The following CIMIP2A variants were observed in gnomAD, a reference collection of about 807,000 sequenced individuals.
CIMIP2A encodes family with sequence similarity 166 member A.
chr9:137,252,145 C>G, the CIMIP2A span: 4 of 1,601,622 alleles, frequency 2.5e-6, no homozygotes, highest in Admixed American at 6.7e-5. Context: ...GGTGTGTGTC[C>G]CCTCCCTGAG....
chr9:137,251,888 G>C, the CIMIP2A span: 1 of 1,607,526 alleles, frequency 6.2e-7, no homozygotes, highest in Non-Finnish European at 8.5e-7. Flanking sequence ...AGACCCTGAG[G>C]GAACTATGTG....
At chr9:137,245,125 C>A in the CIMIP2A span, 12 of 1,601,100 alleles carry the variant, frequency 7.5e-6, no homozygotes, top group Non-Finnish European at 7.6e-6. Flanking sequence ...TTAGGGTGGT[C>A]CAGCTGCGGC....
the CIMIP2A span, chr9:137,252,099 C>T: frequency 2.5e-6 from 4 of 1,612,386 alleles, no homozygotes; most frequent in South Asian, 3.3e-5. Flanking sequence ...CTCCCCACAC[C>T]CCCACTACAG....
chr9:137,251,803 C>T, the CIMIP2A span: 27 of 1,598,974 alleles, frequency 1.7e-5, no homozygotes, highest in Non-Finnish European at 2.3e-5. Context: ...ACACAGCCCC[C>T]AAAGATGAAG....
At chr9:137,243,621 T>G in the CIMIP2A span, 2 of 1,612,824 alleles carry the variant, frequency 1.2e-6, no homozygotes, top group South Asian at 2.2e-5. Context: ...CAGCCTGTCC[T>G]GTGGCCTGTC....
At chr9:137,252,592 C>A in the CIMIP2A span, 2 of 1,511,356 alleles carry the variant, frequency 1.3e-6, no homozygotes, top group Non-Finnish European at 1.8e-6. Flanking sequence ...TCCAGTGGGG[C>A]CAAAGGGGGG....
At chr9:137,245,866 G>C in the CIMIP2A span, 3 of 1,497,360 alleles carry the variant, frequency 2.0e-6, no homozygotes, top group Non-Finnish European at 8.9e-7. Context: ...GTGGAGGGAA[G>C]AGAAGAAGGC....
At chr9:137,251,711 G>A in the CIMIP2A span, 2 of 1,552,424 alleles carry the variant, frequency 1.3e-6, no homozygotes, top group Non-Finnish European at 1.7e-6. Flanking sequence ...CGGGGGCTGA[G>A]ACAGTGGCTG....
At chr9:137,244,178 G>T in the CIMIP2A span, 3 of 1,613,830 alleles carry the variant, frequency 1.9e-6, no homozygotes, top group East Asian at 2.2e-5. Context: ...CACCGGGGAT[G>T]AACCCCATGT....
the CIMIP2A span, among the ~76,000 whole-genome samples, chr9:137,247,955 T>C: frequency 6.6e-6 from 1 of 152,096 alleles, no homozygotes; most frequent in Non-Finnish European, 1.5e-5. Flanking sequence ...GGAAGTCCCA[T>C]TAACTTCAGA....
chr9:137,246,799 G>C, the CIMIP2A span, among the ~76,000 whole-genome samples: 1 of 152,114 alleles, frequency 6.6e-6, no homozygotes, highest in East Asian at 1.9e-4. Flanking sequence ...TCCAGCCTCA[G>C]CTTCACCTGC....
the CIMIP2A span, chr9:137,253,172 C>A: frequency 1.7e-5 from 28 of 1,603,526 alleles, no homozygotes; most frequent in Non-Finnish European, 2.3e-5. Flanking sequence ...CGCTTCCCTT[C>A]GGCGCCTGGC....
the CIMIP2A span, chr9:137,245,831 G>A: frequency 6.6e-7 from 1 of 1,508,466 alleles, no homozygotes; most frequent in Non-Finnish European, 8.9e-7. Flanking sequence ...TGGTAGCGCA[G>A]CTGCGGAAAG....
the CIMIP2A span, chr9:137,251,646 G>A: frequency 5.9e-4 from 850 of 1,451,956 alleles, 7 homozygotes; most frequent in African/African-American, 0.01. Context: ...GGGAGCAGCC[G>A]GGGGCTGAGG....
the CIMIP2A span, among the ~76,000 whole-genome samples, chr9:137,248,008 T>C: frequency 6.6e-6 from 1 of 152,168 alleles, no homozygotes; most frequent in Non-Finnish European, 1.5e-5. Flanking sequence ...GCCTGGGCTC[T>C]TGCTGCCCCC....
chr9:137,245,398 T>C, the CIMIP2A span: 1 of 1,613,666 alleles, frequency 6.2e-7, no homozygotes, highest in East Asian at 2.2e-5. Flanking sequence ...GGAGTCTCCC[T>C]TCCTGCCTGG....
the CIMIP2A span, chr9:137,252,236 C>G: frequency 6.7e-7 from 1 of 1,482,018 alleles, no homozygotes; most frequent in Non-Finnish European, 9.1e-7. Context: ...CTGAGGGCCC[C>G]TCCACCCTTC....
chr9:137,244,578 C>A, the CIMIP2A span: 43 of 1,592,212 alleles, frequency 2.7e-5, no homozygotes, highest in South Asian at 3.5e-4. Context: ...TCCAGGGAAG[C>A]TGCCAGGCAG....
At chr9:137,245,363 C>T in the CIMIP2A span, 33 of 1,610,508 alleles carry the variant, frequency 2.0e-5, no homozygotes, top group Admixed American at 5.0e-5. Context: ...GCCTCTTCCC[C>T]GTATACTGGG....
Sources: allele counts gnomAD v4.1 joint callset (sites outside exome capture counted in the v4.1 genomes callset), GRCh38; gene constraint gnomAD v4.1.1; transcripts MANE v1.5; gene names NCBI Gene and HGNC (gene_info 2026-07-23, HGNC 2026-07-21).